The following PMEPA1 variants were observed in gnomAD, a reference collection of about 807,000 sequenced individuals.
PMEPA1 encodes the protein protein TMEPAI.
PMEPA1 carries 11 observed loss-of-function variants against 23.0 expected under a neutral mutation model. That is an observed-to-expected ratio of 0.48 (90% CI 0.30 to 0.79). PMEPA1 has a LOEUF of 0.79. Ranked by LOEUF, PMEPA1 falls within the 30% of genes least tolerant of loss-of-function variation. PMEPA1 has a pLI of 0.06. For synonymous variants in PMEPA1, 204 were observed against 166.4 expected (o/e 1.23, Z -1.74); for missense variants, 377 against 390.9 (o/e 0.96, Z 0.30).
In PMEPA1 at chr20:57,683,650, T is replaced by C. The variant is rs2071758237; in HGVS notation, c.110-23953A>G. Among the ~76,000 whole-genome samples the C allele has an allele frequency of 6.6e-6, 1 of 151,712 alleles. No homozygotes were observed. Among genetic ancestry groups the C allele is most frequent in the African/African-American group, 2.4e-5 (1 of 41,208 alleles). ...ATATTTCTTCTTAAAGATGCTGTAA[T>C]TATGAGAGAGCAGAAAGAACCCCCG... On this transcript the variant is annotated intron_variant, in intron 1 of 3. Coordinates refer to ENST00000341744, the MANE Select transcript of PMEPA1 (RefSeq NM_020182.5). This position sits in a 1 kb window ranked among gnomAD's most constrained non-coding sequence, Gnocchi z 4.3.
chr20:57,692,255 C>G, intron 1 of PMEPA1, among the ~76,000 whole-genome samples: 1 of 152,190 alleles, frequency 6.6e-6, no homozygotes, highest in East Asian at 1.9e-4. Flanking sequence ...ATAGAGGAGA[C>G]GCAACCCCGA....
chr20:57,708,709 G>A (rs1220986163), intron 1 of PMEPA1, among the ~76,000 whole-genome samples: 2 of 152,080 alleles, frequency 1.3e-5, no homozygotes, highest in African/African-American at 4.8e-5. Context: ...ACACATTCAA[G>A]ATCCACGCTG....
intron 1 of PMEPA1, among the ~76,000 whole-genome samples, chr20:57,664,017 A>G (rs114874190): frequency 1.3e-3 from 200 of 152,334 alleles, no homozygotes; most frequent in African/African-American, 4.4e-3. Context: ...TTTCACACCC[A>G]TGGTGCTGCT....
At chr20:57,703,738 T>C (rs2072041346) in intron 1 of PMEPA1, among the ~76,000 whole-genome samples, 1 of 152,128 alleles carries the variant, frequency 6.6e-6, no homozygotes, top group Non-Finnish European at 1.5e-5. Context: ...CTTTTTCTGG[T>C]GAAGGCCTTC....
At position 57,683,127 on chromosome 20, in the gene PMEPA1, A is replaced by G. The variant is rs1040200758; in HGVS notation, c.110-23430T>C. ...TAAGCTCAGATCTCCCTGAGCAGGTAGAGGCTGCTCACGTTAGAGGGCACG... is the reference window on the plus strand; with the variant it reads ...TAAGCTCAGATCTCCCTGAGCAGGTGGAGGCTGCTCACGTTAGAGGGCACG... On this transcript the variant is annotated intron_variant, in intron 1 of 3. Coordinates refer to ENST00000341744, the MANE Select transcript of PMEPA1 (RefSeq NM_020182.5). The surrounding 1 kb of genome is among the most constrained non-coding windows in gnomAD (Gnocchi z 4.3). Among the ~76,000 whole-genome samples, 1 of 152,224 alleles carries G rather than the reference A, an allele frequency of 6.6e-6. No individual in the cohort carries two copies. The highest frequency in any genetic ancestry group is 2.4e-5 in the African/African-American group (1 of 41,462).
Position 57,709,956 on chromosome 20 carries a change from A to C in PMEPA1, c.-374T>G. 1.0e-6 allele frequency: 1 copy of C among 1,001,774 alleles called. No homozygotes were observed. Among genetic ancestry groups the C allele is most frequent in the Non-Finnish European group, 1.2e-6 (1 of 842,932 alleles). 62.1% of individuals were successfully genotyped at this position (1,001,774 alleles called of 1,614,324 possible). On this transcript the variant is annotated 5_prime_UTR_variant, in exon 1 of 4. Transcript: ENST00000341744. ...GCCGCCGCCTCCTCCTCCTCATTCA[A>C]GTCCAAGGAGATCGGGTTTCGCTCC...
chr20:57,694,000 T>G (rs536004458), intron 1 of PMEPA1, among the ~76,000 whole-genome samples: 1 of 152,350 alleles, frequency 6.6e-6, no homozygotes, highest in East Asian at 1.9e-4. Context: ...GGTCCTTCTC[T>G]GTCCACACCT....
At chr20:57,654,863 G>A (rs144533645) in intron 2 of PMEPA1, among the ~76,000 whole-genome samples, 2 of 151,980 alleles carry the variant, frequency 1.3e-5, no homozygotes, top group Non-Finnish European at 2.9e-5. Flanking sequence ...GTCCTTGAGG[G>A]GTCTCCCAGG....
chr20:57,682,467 T>C lies in PMEPA1; in HGVS notation c.110-22770A>G, dbSNP rs1335450457. Among the ~76,000 whole-genome samples, 1 of 152,146 alleles carries C rather than the reference T, an allele frequency of 6.6e-6. No homozygotes were observed. The highest frequency in any genetic ancestry group is 2.4e-5 in the African/African-American group (1 of 41,416). On this transcript the variant is annotated intron_variant, in intron 1 of 3. Coordinates refer to ENST00000341744, the MANE Select transcript of PMEPA1 (RefSeq NM_020182.5). The surrounding 1 kb of genome is among the most constrained non-coding windows in gnomAD (Gnocchi z 4.4). The stretch of plus-strand genomic sequence containing the variant: ...CCAGGTTCTGGGTCTCCCTGGAGTG[T>C]CGGGGTCCTAGGCGCCGGCCCAGAG...
intron 2 of PMEPA1, 151 bp from the exon 3 acceptor site, chr20:57,653,237 T>TG: frequency 1.4e-6 from 1 of 695,662 alleles, no homozygotes; most frequent in Non-Finnish European, 2.6e-6. Flanking sequence ...CCCCAGCCCC[T>TG]GGCCCTGGGC....
intron 2 of PMEPA1, 28 bp downstream of exon 2, chr20:57,659,515 G>A: frequency 1.2e-6 from 2 of 1,608,234 alleles, no homozygotes. Context: ...GCACCCTCAG[G>A]CCACAGATGG....
intron 1 of PMEPA1, among the ~76,000 whole-genome samples, chr20:57,670,913 C>A (rs190441430): frequency 6.6e-5 from 10 of 152,136 alleles, no homozygotes; most frequent in Admixed American, 1.3e-4. Context: ...CACCGCCCCC[C>A]CAACCCCCAA....
rs559891252 is a variant in PMEPA1, at chr20:57,679,718, G to C, written c.110-20021C>G. 5.3e-5 allele frequency among the ~76,000 whole-genome samples: 8 copies of C among 152,220 alleles called. No homozygotes were observed. In the South Asian group the frequency reaches 1.0e-3, roughly 20 times the overall value. On this transcript the variant is annotated intron_variant, in intron 1 of 3. Transcript: ENST00000341744. The stretch of plus-strand genomic sequence containing the variant: ...ATAGGTGAATTTGTTATGCTGGAAG[G>C]GGGTGGTCACCTGGCACTGTGAGTG...
intron 1 of PMEPA1, among the ~76,000 whole-genome samples, chr20:57,681,992 C>T (rs183533912): frequency 3.9e-5 from 6 of 152,278 alleles, no homozygotes; most frequent in East Asian, 3.9e-4. Context: ...GTGACACTGT[C>T]GAATCTCCTC....
Position 57,709,602 on chromosome 20 carries a change from C to G in PMEPA1, c.-20G>C, listed in dbSNP as rs1170033121. Reference sequence around the variant, plus strand: ...GTGCATGGACGGCGCGGCGGCGCGGCGCGGGGCGCGGGGGGCTCGGGGGCG... The same window carrying G: ...GTGCATGGACGGCGCGGCGGCGCGGGGCGGGGCGCGGGGGGCTCGGGGGCG... On this transcript the variant is annotated 5_prime_UTR_variant, in exon 1 of 4. Transcript: ENST00000341744. 1.5e-5 allele frequency: 14 copies of G among 921,206 alleles called. No homozygotes were observed. Among genetic ancestry groups the G allele is most frequent in the Non-Finnish European group, 1.7e-5 (13 of 772,020 alleles). The allele number at this position is 921,206 out of a possible 1,614,324, so 57.1% of individuals were successfully genotyped here.
intron 1 of PMEPA1, among the ~76,000 whole-genome samples, chr20:57,703,405 C>T (rs1164713989): frequency 6.6e-6 from 1 of 152,246 alleles, no homozygotes; most frequent in Non-Finnish European, 1.5e-5. Flanking sequence ...TTAGGAACTG[C>T]AGCCAGTGGG....
upstream of PMEPA1, chr20:57,710,317 G>T: frequency 1.2e-6 from 1 of 852,774 alleles, no homozygotes; most frequent in South Asian, 2.8e-5. Context: ...GCGGGTTGCT[G>T]GTGCGCCCTC....
chr20:57,699,638 G>A (rs185803774), intron 1 of PMEPA1, among the ~76,000 whole-genome samples: 4 of 152,350 alleles, frequency 2.6e-5, no homozygotes, highest in Admixed American at 1.3e-4. Flanking sequence ...GGGTAACTAG[G>A]CAACTGAGAC....
intron 1 of PMEPA1, among the ~76,000 whole-genome samples, chr20:57,695,590 C>T (rs1023168173): frequency 3.3e-5 from 5 of 152,180 alleles, no homozygotes; most frequent in East Asian, 1.9e-4. Context: ...ATCAGAAGTT[C>T]GAGACCAGTC....
Sources: gnomAD v4.1 joint callset for allele counts (sites outside exome capture counted in the v4.1 genomes callset) on GRCh38, gnomAD v4.1.1 for gene constraint, Gnocchi (gnomAD v3.1) non-coding constraint, MANE v1.5 for transcripts, NCBI Gene and HGNC (gene_info 2026-07-23, HGNC 2026-07-21) for gene names.